The following RARS2 variants were observed in gnomAD, a reference collection of about 807,000 sequenced individuals.
RARS2 encodes the protein arginyl-tRNA synthetase 2, mitochondrial.
RARS2 carries 67 observed loss-of-function variants against 88.5 expected under a neutral mutation model. The observed-to-expected ratio is 0.76, with a 90% CI of 0.62 to 0.93. RARS2 has a LOEUF of 0.93. RARS2 is among the 40% of genes least tolerant of loss of function. RARS2 has a pLI of 0.00. For synonymous variants in RARS2, 239 were observed against 230.3 expected (o/e 1.04, Z -0.34); for missense variants, 664 against 684.2 (o/e 0.97, Z 0.33).
At chr6:87,526,914 G>A (rs758832900) in intron 10 of RARS2, among the ~76,000 whole-genome samples, 5 of 151,754 alleles carry the variant, frequency 3.3e-5, no homozygotes, top group East Asian at 4.0e-4. Flanking sequence ...CAGGTGATCC[G>A]CCCACCTCAG....
intron 13 of RARS2, 47 bp downstream of exon 13, chr6:87,520,133 G>T: frequency 6.7e-7 from 1 of 1,492,654 alleles, no homozygotes. Context: ...TACATTTTCA[G>T]GCTCAGCTGA....
chr6:87,520,755 G>A (rs1298640062), intron 12 of RARS2, among the ~76,000 whole-genome samples: 1 of 152,150 alleles, frequency 6.6e-6, no homozygotes, highest in African/African-American at 2.4e-5. Flanking sequence ...AATCTCAAAG[G>A]TTACATATGG....
At chr6:87,552,894 C>T (rs1784797106) in intron 5 of RARS2, among the ~76,000 whole-genome samples, 1 of 152,018 alleles carries the variant, frequency 6.6e-6, no homozygotes, top group African/African-American at 2.4e-5. Flanking sequence ...CTTTATTTGC[C>T]AGTTAGGTAA....
chr6:87,564,000 AATT>A lies in RARS2; in HGVS notation c.213+127_213+129del. 1.1e-5 allele frequency: 8 copies of A among 736,732 alleles called. 1 individual carries two copies. The South Asian group carries it at 1.3e-4, about 12-fold the overall frequency. The allele number at this position is 736,732 out of a possible 1,614,324, so 45.6% of individuals were successfully genotyped here. A position where few individuals can be genotyped will look rare whatever the true frequency, so the allele number is the denominator to read the frequency against. ...ATAGTACATGGCTAAAATGAATTTA[AATT>A]ATATTACACAAGATGCCTCAAAGAA... On this transcript the variant is annotated intron_variant, in intron 3 of 19. Transcript: ENST00000369536.
intron 1 of RARS2, among the ~76,000 whole-genome samples, chr6:87,587,111 T>C (rs552250974): frequency 2.0e-5 from 3 of 152,148 alleles, no homozygotes; most frequent in South Asian, 2.1e-4. Flanking sequence ...TCTTGAACTC[T>C]TGGGCTCAAG....
intron 1 of RARS2, among the ~76,000 whole-genome samples, chr6:87,574,550 C>G (rs1770790856): frequency 6.6e-6 from 1 of 152,060 alleles, no homozygotes. Context: ...AATAGGTGAT[C>G]AAACTGAAAT....
At position 87,540,745 on chromosome 6, in the gene RARS2, T is replaced by C. The variant is rs578115915; in HGVS notation, c.612+1173A>G. On this transcript the variant is annotated intron_variant, in intron 8 of 19. Coordinates refer to ENST00000369536, the MANE Select transcript of RARS2 (RefSeq NM_020320.5). ...CAAAAAGGAAACACATCCCTGGAGA[T>C]TGTTTGGACAGGAAGGGCTTTATTA... Among the ~76,000 whole-genome samples, 105 of 152,196 alleles carry C rather than the reference T, an allele frequency of 6.9e-4. 1 individual carries two copies. The highest frequency in any genetic ancestry group is 2.4e-3 in the African/African-American group (100 of 41,520).
chr6:87,521,242 A>C lies in RARS2; in HGVS notation c.1035+222T>G, dbSNP rs3757369. Among the ~76,000 whole-genome samples the C allele has an allele frequency of 0.042, 6,345 of 152,350 alleles. 146 individuals are homozygous for C. Among genetic ancestry groups the C allele is most frequent in the Middle Eastern group, 0.054 (16 of 294 alleles). On this transcript the variant is annotated intron_variant, in intron 12 of 19. Coordinates refer to ENST00000369536, the MANE Select transcript of RARS2 (RefSeq NM_020320.5). ...AGTGACCTGTATATATTAATTTCAC[A>C]TAACCATCTTACTGATTCAGGTAAT...
At chr6:87,524,483 T>C (rs1775009543) in intron 11 of RARS2, 74 bp downstream of exon 11, 4 of 1,160,670 alleles carry the variant, frequency 3.4e-6, no homozygotes, top group Non-Finnish European at 5.2e-6. Context: ...TAATGCATAA[T>C]TAATTGTACA....
At position 87,559,463 on chromosome 6, in the gene RARS2, C is replaced by CCAAAAAAA. The variant is rs1394106691; in HGVS notation, c.297+3238_297+3239insTTTTTTTG. Among the ~76,000 whole-genome samples, 2 of 93,282 alleles carry CCAAAAAAA rather than the reference C, an allele frequency of 2.1e-5. 1 individual carries two copies. Among genetic ancestry groups the CCAAAAAAA allele is most frequent in the Admixed American group, 2.0e-4 (2 of 9,872 alleles). 61.2% of individuals were successfully genotyped at this position (93,282 alleles called of 152,430 possible). ...GGGCAACAAGAGTGAAACTCTGTCT[C>CCAAAAAAA]AAAAAAAAAAAAAAAAAAAAAAAAA... On this transcript the variant is annotated intron_variant, in intron 4 of 19. Transcript: ENST00000369536.
intron 11 of RARS2, among the ~76,000 whole-genome samples, chr6:87,524,333 A>G (rs1290916610): frequency 1.3e-5 from 2 of 152,238 alleles, no homozygotes; most frequent in Non-Finnish European, 2.9e-5. Flanking sequence ...TCTTTACAGC[A>G]TAAGGAAACC....
chr6:87,528,247 A>C (rs201088261), intron 10 of RARS2, among the ~76,000 whole-genome samples: 5,148 of 151,850 alleles, frequency 0.034, 106 homozygotes, highest in Middle Eastern at 0.054. Context: ...TATAACAAAA[A>C]AAAAAAAAAA....
intron 4 of RARS2, among the ~76,000 whole-genome samples, chr6:87,557,373 AG>A (rs1388566449): frequency 1.3e-5 from 2 of 152,226 alleles, no homozygotes; most frequent in Non-Finnish European, 2.9e-5. Context: ...ATATATGACA[AG>A]AACACATCAG....
intron 10 of RARS2, 118 bp from the exon 11 acceptor site, chr6:87,524,770 G>A (rs1775118790): frequency 1.4e-6 from 1 of 733,682 alleles, no homozygotes; most frequent in South Asian, 1.5e-5. Context: ...GCAATGAGCA[G>A]TGCCAATTCA....
chr6:87,550,073 T>C (rs1783867184), intron 5 of RARS2, among the ~76,000 whole-genome samples: 1 of 152,232 alleles, frequency 6.6e-6, no homozygotes. Context: ...AACTTGATCC[T>C]ATGGATATGT....
At chr6:87,532,423 G>A (rs925292136) in intron 8 of RARS2, among the ~76,000 whole-genome samples, 1 of 152,118 alleles carries the variant, frequency 6.6e-6, no homozygotes, top group Non-Finnish European at 1.5e-5. Context: ...TTTCCTTCTG[G>A]GAGTTTGGGA....
intron 8 of RARS2, among the ~76,000 whole-genome samples, chr6:87,540,475 A>T (rs1780593500): frequency 6.7e-6 from 1 of 149,854 alleles, no homozygotes; most frequent in Admixed American, 6.7e-5. Flanking sequence ...AAAAAACTGG[A>T]ATATGTTTTT....
chr6:87,573,136 C>T (rs570879541), intron 1 of RARS2, among the ~76,000 whole-genome samples: 4 of 152,232 alleles, frequency 2.6e-5, no homozygotes, highest in Admixed American at 6.5e-5. Context: ...TTACTTGGCT[C>T]ATGGTTCCAC....
At chr6:87,526,443 G>A (rs958252344) in intron 10 of RARS2, among the ~76,000 whole-genome samples, 1 of 151,906 alleles carries the variant, frequency 6.6e-6, no homozygotes, top group African/African-American at 2.4e-5. Context: ...GTTGAACCTG[G>A]AGGTGGAGGT....
Sources: gnomAD v4.1 joint callset for allele counts (sites outside exome capture counted in the v4.1 genomes callset) on GRCh38, gnomAD v4.1.1 for gene constraint, MANE v1.5 for transcripts, NCBI Gene and HGNC (gene_info 2026-07-23, HGNC 2026-07-21) for gene names.